Variants in MICAL3 observed in about 807,000 individuals in gnomAD.
MICAL3 encodes the protein [F-actin]-monooxygenase MICAL3.
In MICAL3, 62 loss-of-function variants were observed where a neutral mutation model predicts 207.4. The observed-to-expected ratio is 0.30, with a 90% CI of 0.24 to 0.37. The LOEUF is 0.37. Ranked by LOEUF, MICAL3 falls within the 10% of genes least tolerant of loss-of-function variation. MICAL3 has a pLI of 1.00. For synonymous variants in MICAL3, 1,077 were observed against 1,069.3 expected (o/e 1.01, Z -0.14); for missense variants, 2,368 against 2,635.6 (o/e 0.90, Z 2.22).
chr22:17,834,565 ATAAAAATAAAT>A, intron 20 of MICAL3: 1 of 1,142,466 alleles, frequency 8.8e-7, no homozygotes, highest in Non-Finnish European at 1.1e-6. Flanking sequence ...AAAAATAAAG[ATAAAAATAAAT>A]TAAAAATAAC....
intron 11 of MICAL3, among the ~76,000 whole-genome samples, chr22:17,893,089 CGCACAATTCACCAGCA>C (rs1930515439): frequency 6.6e-6 from 1 of 152,184 alleles, no homozygotes; most frequent in Admixed American, 6.5e-5. Flanking sequence ...TCTTCGAGGC[CGCACAATTCACCAGCA>C]GCAAAGCTTG....
At chr22:17,879,832 A>G (rs1473422943) in intron 16 of MICAL3, among the ~76,000 whole-genome samples, 4 of 152,242 alleles carry the variant, frequency 2.6e-5, no homozygotes, top group Non-Finnish European at 4.4e-5. Flanking sequence ...CTAAGACAGC[A>G]GTCCAGAGGA....
intron 1 of MICAL3, among the ~76,000 whole-genome samples, chr22:17,953,531 T>C (rs1602281873): frequency 1.3e-5 from 2 of 152,198 alleles, no homozygotes; most frequent in Admixed American, 1.3e-4. Context: ...TCCTGCTGTC[T>C]GGACATGATC....
intron 19 of MICAL3, chr22:17,863,436 T>C (rs1190105155): frequency 1.1e-5 from 11 of 985,472 alleles, no homozygotes; most frequent in African/African-American, 3.5e-5. Context: ...GTTATTTTTC[T>C]CTACCAGTGA....
At chr22:17,992,605 C>T (rs568701220) in intron 1 of MICAL3, among the ~76,000 whole-genome samples, 2 of 152,070 alleles carry the variant, frequency 1.3e-5, no homozygotes, top group Non-Finnish European at 2.9e-5. Flanking sequence ...AAGTAGGAAT[C>T]CCCCCTGCTC....
intron 1 of MICAL3, among the ~76,000 whole-genome samples, chr22:17,977,190 T>A (rs549598405): frequency 6.6e-6 from 1 of 152,062 alleles, no homozygotes; most frequent in Non-Finnish European, 1.5e-5. Flanking sequence ...AAATTTGACA[T>A]CACCAAAATT....
chr22:17,887,607 T>C (rs111630620), intron 13 of MICAL3, among the ~76,000 whole-genome samples, 172 bp from the exon 14 acceptor site: 87 of 152,346 alleles, frequency 5.7e-4, no homozygotes, highest in African/African-American at 2.0e-3. Context: ...AGGAAATGCA[T>C]ACTTGGGTAT....
rs756199993 is a variant in MICAL3, at chr22:17,841,738, CTGAGAAGAAACCGAGACACACAGAGG to C, written c.2801+58_2801+83del. ...AGGAAAGACAGGAGGCCTCCCTTCA[CTGAGAAGAAACCGAGACACACAGAGG>C]TGAGGAGGCTCTTAGGGCCGTGTGG... On this transcript the variant is annotated intron_variant, in intron 20 of 31. Coordinates refer to ENST00000441493, the MANE Select transcript of MICAL3 (RefSeq NM_015241.3). The surrounding 1 kb of genome is among the most constrained non-coding windows in gnomAD (Gnocchi z 4.2). 4.2e-6 allele frequency: 6 copies of C among 1,420,280 alleles called. No homozygotes were observed. In the African/African-American group the frequency reaches 8.5e-5, roughly 20 times the overall value. 88.0% of individuals were successfully genotyped at this position (1,420,280 alleles called of 1,614,324 possible).
At chr22:17,972,360 G>A (rs757075597) in intron 1 of MICAL3, among the ~76,000 whole-genome samples, 1 of 152,312 alleles carries the variant, frequency 6.6e-6, no homozygotes, top group East Asian at 1.9e-4. Context: ...TGGTGACAAC[G>A]GGTTTCCCAA....
rs912489116 is a variant in MICAL3, at chr22:17,834,311, T to C, written c.2802-2204A>G. On this transcript the variant is annotated intron_variant, in intron 20 of 31. Transcript: ENST00000441493. ...AGAATATACTGCAAGGAGCTCAGGG[T>C]AGTGAATCAGCTTCACTTGTTCATT... The C allele has an allele frequency of 3.4e-6, 4 of 1,167,868 alleles. No individual in the cohort carries two copies. In the Admixed American group the frequency reaches 1.1e-4, roughly 32 times the overall value. The allele number at this position is 1,167,868 out of a possible 1,614,324, so 72.3% of individuals were successfully genotyped here.
At chr22:17,946,220 A>G (rs1334400456) in intron 1 of MICAL3, among the ~76,000 whole-genome samples, 2 of 152,180 alleles carry the variant, frequency 1.3e-5, no homozygotes, top group Non-Finnish European at 2.9e-5. Context: ...AGGAGGCCAG[A>G]GAAGACTGCA....
chr22:17,832,397 C>T (rs1922897371), intron 20 of MICAL3, among the ~76,000 whole-genome samples: 1 of 152,198 alleles, frequency 6.6e-6, no homozygotes, highest in Non-Finnish European at 1.5e-5. Context: ...CGAAGGCTGC[C>T]TGTGGGTCTG....
intron 16 of MICAL3, among the ~76,000 whole-genome samples, chr22:17,874,694 G>A (rs1032441092): frequency 6.6e-6 from 1 of 152,150 alleles, no homozygotes; most frequent in Admixed American, 6.5e-5. Flanking sequence ...TGGCAATTGC[G>A]GGATCGATCC....
chr22:18,013,459 A>C (rs1923868250), intron 1 of MICAL3, among the ~76,000 whole-genome samples: 1 of 152,242 alleles, frequency 6.6e-6, no homozygotes, highest in Non-Finnish European at 1.5e-5. Flanking sequence ...GGCACAGCTA[A>C]TGAGTGTCAC....
At chr22:17,862,819 T>C (rs1045251316) in intron 19 of MICAL3, 1 of 985,490 alleles carries the variant, frequency 1.0e-6, no homozygotes. Context: ...GGTAAGCCCC[T>C]CAGCCCTGAG....
intron 1 of MICAL3, among the ~76,000 whole-genome samples, chr22:17,936,515 G>A (rs1933536487): frequency 6.6e-6 from 1 of 150,988 alleles, no homozygotes; most frequent in Admixed American, 6.6e-5. Flanking sequence ...CATGGCACGT[G>A]TATACCTACG....
chr22:17,932,130 C>T (rs1470435429), intron 1 of MICAL3, among the ~76,000 whole-genome samples: 1 of 152,062 alleles, frequency 6.6e-6, no homozygotes, highest in Non-Finnish European at 1.5e-5. Flanking sequence ...ACAGAGAACA[C>T]CACAAAGATA....
intron 1 of MICAL3, among the ~76,000 whole-genome samples, chr22:17,909,950 T>C (rs1341406179): frequency 6.6e-6 from 1 of 152,192 alleles, no homozygotes; most frequent in Non-Finnish European, 1.5e-5. Flanking sequence ...CATGGCACAA[T>C]CCTGACCCTG....
chr22:17,950,337 GTTTTTT>G (rs764642603), intron 1 of MICAL3, among the ~76,000 whole-genome samples: 12 of 89,332 alleles, frequency 1.3e-4, no homozygotes, highest in Admixed American at 2.6e-4. Flanking sequence ...TTTTGTTTTT[GTTTTTT>G]TTTTTTTTTT....
Sources: gnomAD v4.1 joint callset for allele counts (sites outside exome capture counted in the v4.1 genomes callset) on GRCh38, gnomAD v4.1.1 for gene constraint, Gnocchi (gnomAD v3.1) non-coding constraint, MANE v1.5 for transcripts, NCBI Gene and HGNC (gene_info 2026-07-23, HGNC 2026-07-21) for gene names.